Variants in TSLP observed in about 807,000 individuals in gnomAD.
TSLP encodes the protein thymic stromal lymphopoietin.
In TSLP, 12 loss-of-function variants were observed where a neutral mutation model predicts 12.4. The observed-to-expected ratio is 0.97, with a 90% CI of 0.62 to 1.57. The LOEUF (loss-of-function observed/expected upper bound fraction) is 1.57, where lower values mean the gene tolerates loss of function less well. Among genes scored for constraint, TSLP ranks in the 40% most tolerant of loss-of-function variants. The pLI is 0.00. For synonymous variants in TSLP, 97 were observed against 69.5 expected, an observed-to-expected ratio of 1.40 and a Z score of -1.97; for missense variants, 222 against 189.6, an observed-to-expected ratio of 1.17 and a Z score of -1.00.
chr5:111,072,167 A>C, intron 1 of TSLP, 106 bp downstream of exon 1: 2 of 936,204 alleles, frequency 2.1e-6, no homozygotes, highest in Non-Finnish European at 3.1e-6. Context: ...TTTAGAAAAA[A>C]TCATGGCCCC....
chr5:111,077,517 C>T lies in TSLP; in HGVS notation c.*1443C>T, dbSNP rs1340047778. ...ACATGCCTGCTTTCTAAAAATCTTC[C>T]TCTGAAGACCTGACCCAAGCTCTTA... On this transcript the variant is annotated 3_prime_UTR_variant, in exon 4 of 4. Transcript: ENST00000344895. 6.6e-6 allele frequency: 1 copy of T among 152,294 alleles called. No individual in the cohort carries two copies. The highest frequency in any genetic ancestry group is 1.5e-5 in the Non-Finnish European group (1 of 68,044). 9.4% of individuals were successfully genotyped at this position (152,294 alleles called of 1,614,324 possible). A position where few individuals can be genotyped will look rare whatever the true frequency, so the allele number is the denominator to read the frequency against.
In TSLP at chr5:111,076,608, T is replaced by C. The variant is rs370328507; in HGVS notation, c.*534T>C. 7 of 154,104 alleles carry C rather than the reference T, an allele frequency of 4.5e-5. 1 individual carries two copies. Among genetic ancestry groups the C allele is most frequent in the East Asian group, 1.9e-4 (1 of 5,216 alleles). The allele number at this position is 154,104 out of a possible 1,614,324, so 9.5% of individuals were successfully genotyped here. A position where few individuals can be genotyped will look rare whatever the true frequency, so the allele number is the denominator to read the frequency against. On this transcript the variant is annotated 3_prime_UTR_variant, in exon 4 of 4. Coordinates refer to ENST00000344895, the MANE Select transcript of TSLP (RefSeq NM_033035.5). ...AAAGTATTCTAAGCCAAGTTTTAAATATTATCTAACAGACAAGAGTGGTAT... is the reference window on the plus strand; with the variant it reads ...AAAGTATTCTAAGCCAAGTTTTAAACATTATCTAACAGACAAGAGTGGTAT...
chr5:111,075,503 T>C (rs1490069432), intron 3 of TSLP, among the ~76,000 whole-genome samples: 2 of 152,224 alleles, frequency 1.3e-5, no homozygotes, highest in Admixed American at 6.5e-5. Context: ...GAGGAACTTG[T>C]GATCTTGTCA....
At chr5:111,071,081 G>A (rs2112540626), upstream of TSLP, 1 of 185,104 alleles carries the variant, frequency 5.4e-6, no homozygotes, top group South Asian at 1.9e-4. Context: ...ATTGATATGG[G>A]AAATTTGAAA....
At chr5:111,075,546 A>C (rs1045723165) in intron 3 of TSLP, among the ~76,000 whole-genome samples, 4 of 152,238 alleles carry the variant, frequency 2.6e-5, no homozygotes, top group African/African-American at 9.7e-5. Context: ...TTATTCATTT[A>C]CTTAATCACT....
chr5:111,072,980 G>T, intron 2 of TSLP, 48 bp downstream of exon 2: 1 of 1,601,732 alleles, frequency 6.2e-7, no homozygotes, highest in Non-Finnish European at 8.6e-7. Flanking sequence ...GAGACGCCAG[G>T]CATTTTGGAG....
chr5:111,071,799 A>G lies in TSLP; in HGVS notation c.-92A>G. 4 of 1,475,166 alleles carry G rather than the reference A, an allele frequency of 2.7e-6. No homozygotes were observed. The highest frequency in any genetic ancestry group is 1.3e-5 in the South Asian group (1 of 76,854). The allele number at this position is 1,475,166 out of a possible 1,614,324, so 91.4% of individuals were successfully genotyped here. On this transcript the variant is annotated 5_prime_UTR_variant, in exon 1 of 4. Coordinates refer to ENST00000344895, the MANE Select transcript of TSLP (RefSeq NM_033035.5). ...AATGAGAGGCAAAACCTGGTGCTTG[A>G]GCACTGGCCCCTAAGGCAGGCCTTA...
At chr5:111,073,010 G>A in intron 2 of TSLP, 78 bp downstream of exon 2, 1 of 1,532,884 alleles carries the variant, frequency 6.5e-7, no homozygotes. Context: ...CCTGCTACGT[G>A]CAGAACTCCG....
rs1211102495 is a variant in TSLP, at chr5:111,072,190, G to C, written c.171+129G>C. 6 of 787,662 alleles carry C rather than the reference G, an allele frequency of 7.6e-6. No individual in the cohort carries two copies. The East Asian group carries it at 1.1e-4, about 14-fold the overall frequency. 48.8% of individuals were successfully genotyped at this position (787,662 alleles called of 1,614,324 possible). On this transcript the variant is annotated intron_variant, in intron 1 of 3. Coordinates refer to ENST00000344895, the MANE Select transcript of TSLP (RefSeq NM_033035.5). Reference sequence around the variant, plus strand: ...AAATCATGGCCCCACATTTTGTCAAGGATTCTTACAAGTGATATTCAAATA... The same window carrying C: ...AAATCATGGCCCCACATTTTGTCAACGATTCTTACAAGTGATATTCAAATA...
At chr5:111,072,788 T>C (rs1023808570) in intron 1 of TSLP, 100 bp from the exon 2 acceptor site, 7 of 1,239,022 alleles carry the variant, frequency 5.6e-6, no homozygotes, top group Non-Finnish European at 4.8e-6. Flanking sequence ...GAAACTGTTT[T>C]CAGGGCACCT....
chr5:111,070,835 C>A (rs1036935644), upstream of TSLP: 1 of 152,228 alleles, frequency 6.6e-6, no homozygotes, highest in African/African-American at 2.4e-5. Context: ...AAGCGTGCGC[C>A]GCCTCCGGGA....
chr5:111,072,459 T>C (rs1466659834), intron 1 of TSLP, among the ~76,000 whole-genome samples: 1 of 152,250 alleles, frequency 6.6e-6, no homozygotes, highest in Admixed American at 6.5e-5. Context: ...GTGTTTTAGA[T>C]GTTTCAGGAT....
intron 3 of TSLP, among the ~76,000 whole-genome samples, chr5:111,075,605 A>G (rs1026799545): frequency 6.6e-6 from 1 of 152,212 alleles, no homozygotes; most frequent in African/African-American, 2.4e-5. Context: ...ATTCAGTGCT[A>G]TGGGGAATAC....
Position 111,071,904 on chromosome 5 carries a change from C to T in TSLP, c.14C>T (p.Ala5Val). Residue 5 changes from alanine (A) to valine (V), a missense_variant, in exon 1 of 4, where the codon GCC becomes GTC. Ala to Val is a moderately conservative substitution (Grantham distance 64). Transcript: ENST00000344895. MFPF[A>V]LLYVLSVSFR... is the part of the protein sequence containing the mutation. ...GGGTGTCCACGTATGTTCCCTTTTGCCTTACTATATGTTCTGTCAGTTTCT... is the reference window on the plus strand; with the variant it reads ...GGGTGTCCACGTATGTTCCCTTTTGTCTTACTATATGTTCTGTCAGTTTCT... 1 of 1,614,034 alleles carries T rather than the reference C, an allele frequency of 6.2e-7. No individual in the cohort carries two copies. The highest frequency in any genetic ancestry group is 8.5e-7 in the Non-Finnish European group (1 of 1,179,892).
At chr5:111,075,641 T>A (rs966208388) in intron 3 of TSLP, among the ~76,000 whole-genome samples, 1 of 152,190 alleles carries the variant, frequency 6.6e-6, no homozygotes, top group African/African-American at 2.4e-5. Flanking sequence ...AAGAAAAGCA[T>A]GTTAAGTGAG....
chr5:111,072,100 T>A, intron 1 of TSLP, 39 bp downstream of exon 1: 1 of 1,560,344 alleles, frequency 6.4e-7, no homozygotes, highest in Non-Finnish European at 8.8e-7. Context: ...TGTATTTTCA[T>A]CAGAGGAGTC....
At chr5:111,075,828 G>GGTGCTT in intron 3 of TSLP, 118 bp from the exon 4 acceptor site, 1 of 1,029,522 alleles carries the variant, frequency 9.7e-7, no homozygotes, top group South Asian at 1.6e-5. Context: ...ATAGTAAGCA[G>GGTGCTT]GTGCTTTGGA....
At chr5:111,070,623 T>C (rs995305837), upstream of TSLP, 2 of 152,336 alleles carry the variant, frequency 1.3e-5, no homozygotes, top group Non-Finnish European at 2.9e-5. Context: ...AGACATCCTC[T>C]AGGGCACTCT....
In TSLP at chr5:111,072,918, T is replaced by C; in HGVS notation, c.202T>C (p.Ser68Pro). Residue 68 changes from serine to proline, a missense_variant, in exon 2 of 4, where the codon TCT (serine) becomes CCT (proline). Coordinates refer to ENST00000344895, the MANE Select transcript of TSLP (RefSeq NM_033035.5). ...TKSTEFNNTV[S>P]CSNRPHCLTE... ...AAGTACCGAGTTCAACAACACCGTC[T>C]CTTGTAGCAATCGGGTGAGTAGAGA... 6.2e-7 allele frequency: 1 copy of C among 1,614,244 alleles called. No homozygotes were observed. Among genetic ancestry groups the C allele is most frequent in the Non-Finnish European group, 8.5e-7 (1 of 1,180,038 alleles).
Sources: allele counts gnomAD v4.1 joint callset (sites outside exome capture counted in the v4.1 genomes callset), GRCh38; gene constraint gnomAD v4.1.1; transcripts MANE v1.5; gene names NCBI Gene and HGNC (gene_info 2026-07-23, HGNC 2026-07-21).